The following MYCBP2 variants were observed in gnomAD, a reference collection of about 807,000 sequenced individuals.
MYCBP2 encodes MYC binding protein 2.
Under a neutral mutation model 525.3 loss-of-function variants are expected in MYCBP2, and 120 were observed. The observed-to-expected ratio is 0.23, with a 90% CI of 0.20 to 0.27. The LOEUF is 0.27. Among genes scored for constraint, MYCBP2 ranks in the 10% least tolerant of loss-of-function variants. The pLI is 1.00. For synonymous variants in MYCBP2, 1,894 were observed against 1,955.8 expected, an observed-to-expected ratio of 0.97 and a Z score of 0.83; for missense variants, 4,149 against 5,657.1, an observed-to-expected ratio of 0.73 and a Z score of 8.55.
intron 56 of MYCBP2, 59 bp downstream of exon 56, chr13:77,097,311 A>C (rs906456931): frequency 4.4e-5 from 67 of 1,529,190 alleles, no homozygotes; most frequent in Admixed American, 6.7e-5. Flanking sequence ...GCTCAAATAA[A>C]GTGATCTGGT....
chr13:77,094,502 A>C (rs1204792838), intron 58 of MYCBP2, among the ~76,000 whole-genome samples: 1 of 152,136 alleles, frequency 6.6e-6, no homozygotes, highest in Non-Finnish European at 1.5e-5. Context: ...CATGGGATAA[A>C]ATGCAATCTT....
chr13:77,125,307 G>C, intron 54 of MYCBP2, 29 bp downstream of exon 54: 1 of 1,612,504 alleles, frequency 6.2e-7, no homozygotes, highest in Non-Finnish European at 8.5e-7. Flanking sequence ...AGCTTAATTG[G>C]AATAAATCAC....
chr13:77,207,662 T>C (rs1593900106), intron 23 of MYCBP2, among the ~76,000 whole-genome samples: 1 of 152,212 alleles, frequency 6.6e-6, no homozygotes, highest in African/African-American at 2.4e-5. Flanking sequence ...AAATAGCATT[T>C]GGGAGAAAAT....
intron 2 of MYCBP2, among the ~76,000 whole-genome samples, chr13:77,295,315 G>A (rs987524408): frequency 6.6e-6 from 1 of 151,990 alleles, no homozygotes; most frequent in African/African-American, 2.4e-5. Flanking sequence ...TGTATTTTTC[G>A]TAGAGACAGG....
chr13:77,209,399 T>A (rs560115826), intron 23 of MYCBP2, among the ~76,000 whole-genome samples: 3 of 152,338 alleles, frequency 2.0e-5, no homozygotes, highest in East Asian at 1.9e-4. Flanking sequence ...TAATGCAAAT[T>A]TACTTCATTT....
intron 55 of MYCBP2, among the ~76,000 whole-genome samples, chr13:77,102,573 T>G (rs976117550): frequency 7.3e-5 from 11 of 151,440 alleles, no homozygotes; most frequent in Non-Finnish European, 1.6e-4. Flanking sequence ...CAAAAACATA[T>G]TTTTAAATTG....
At chr13:77,229,152 G>A (rs964469104) in intron 18 of MYCBP2, among the ~76,000 whole-genome samples, 1 of 152,192 alleles carries the variant, frequency 6.6e-6, no homozygotes, top group Non-Finnish European at 1.5e-5. Context: ...CTAGTTGTAT[G>A]ACAACTGGAC....
intron 30 of MYCBP2, among the ~76,000 whole-genome samples, chr13:77,187,507 T>C (rs1378983396): frequency 6.6e-6 from 1 of 152,036 alleles, no homozygotes; most frequent in Non-Finnish European, 1.5e-5. Context: ...TGAAGCAAGA[T>C]GAAATAACAA....
chr13:77,108,710 T>TA (rs939546341), intron 55 of MYCBP2, among the ~76,000 whole-genome samples: 6 of 151,842 alleles, frequency 4.0e-5, no homozygotes, highest in African/African-American at 1.2e-4. Flanking sequence ...ACTTTATTTT[T>TA]TTTTTTTTTT....
At chr13:77,197,169 G>A (rs1176300049) in intron 26 of MYCBP2, among the ~76,000 whole-genome samples, 1 of 152,160 alleles carries the variant, frequency 6.6e-6, no homozygotes, top group Non-Finnish European at 1.5e-5. Context: ...TCCTTGACAA[G>A]AGCAATGTCA....
chr13:77,271,147 C>T (rs1313281555), intron 5 of MYCBP2, among the ~76,000 whole-genome samples: 1 of 152,058 alleles, frequency 6.6e-6, no homozygotes, highest in African/African-American at 2.4e-5. Context: ...CATACACATA[C>T]ACATTCTATA....
At chr13:77,088,086 T>C (rs542206974) in intron 61 of MYCBP2, among the ~76,000 whole-genome samples, 1 of 152,082 alleles carries the variant, frequency 6.6e-6, no homozygotes, top group Non-Finnish European at 1.5e-5. Flanking sequence ...GCTTGGCACC[T>C]TGAAAATCTG....
At position 77,140,134 on chromosome 13, in the gene MYCBP2, C is replaced by T. The variant is rs61749888; in HGVS notation, c.7431G>A (p.Ala2477=). The T allele has an allele frequency of 5.8e-4, 941 of 1,611,196 alleles. No individual in the cohort carries two copies. The highest frequency in any genetic ancestry group is 1.2e-3 in the East Asian group (55 of 44,696). The stretch of plus-strand genomic sequence containing the variant: ...AAGGGTGGCTACGGATGCGAAGCCC[C>T]GCACTGTCCTTGGCCACAAATTTTC... ...KVRKFVAKDS[A]GLRIRSHPSL... The change falls in exon 51 of 83, where the codon GCG becomes GCA. Residue 2477 remains alanine, a synonymous_variant. Transcript: ENST00000544440.
intron 26 of MYCBP2, among the ~76,000 whole-genome samples, chr13:77,205,012 A>G (rs2063153016): frequency 1.3e-5 from 2 of 151,818 alleles, no homozygotes. Flanking sequence ...ACTAACCTGC[A>G]CATTGTGCAC....
intron 4 of MYCBP2, among the ~76,000 whole-genome samples, chr13:77,277,287 T>C (rs1189624296): frequency 6.6e-6 from 1 of 152,170 alleles, no homozygotes; most frequent in Non-Finnish European, 1.5e-5. Flanking sequence ...TAAAATGCTG[T>C]CAAGCCAAGC....
chr13:77,197,491 T>G (rs1290732081), intron 26 of MYCBP2, among the ~76,000 whole-genome samples: 2 of 152,198 alleles, frequency 1.3e-5, no homozygotes, highest in Non-Finnish European at 2.9e-5. Context: ...ATAACTGATG[T>G]GCCTTTAACA....
intron 23 of MYCBP2, among the ~76,000 whole-genome samples, chr13:77,209,093 A>G (rs778247888): frequency 2.6e-5 from 4 of 152,230 alleles, no homozygotes; most frequent in African/African-American, 4.8e-5. Flanking sequence ...TTAAAGAAAA[A>G]TACCTCTCAG....
intron 40 of MYCBP2, among the ~76,000 whole-genome samples, chr13:77,167,254 G>A (rs1367616881): frequency 6.6e-6 from 1 of 152,032 alleles, no homozygotes; most frequent in Non-Finnish European, 1.5e-5. Context: ...TATAACATGT[G>A]TGTGTATGTA....
chr13:77,312,370 C>T (rs2080361087), intron 1 of MYCBP2, among the ~76,000 whole-genome samples: 1 of 151,842 alleles, frequency 6.6e-6, no homozygotes, highest in Non-Finnish European at 1.5e-5. Flanking sequence ...ACATGACTGT[C>T]GACAACAAAA....
Sources: allele counts gnomAD v4.1 joint callset (sites outside exome capture counted in the v4.1 genomes callset), GRCh38; gene constraint gnomAD v4.1.1; transcripts MANE v1.5; gene names NCBI Gene and HGNC (gene_info 2026-07-23, HGNC 2026-07-21).